The following ITGAV variants were observed in gnomAD, a reference collection of about 807,000 sequenced individuals.
The protein encoded by ITGAV is integrin alpha-V.
In ITGAV, 76 loss-of-function variants were observed where a neutral mutation model predicts 143.8. That is an observed-to-expected ratio of 0.53 (90% CI 0.44 to 0.64). The LOEUF (loss-of-function observed/expected upper bound fraction) is 0.64, where lower values mean the gene tolerates loss of function less well. Among genes scored for constraint, ITGAV ranks in the 30% least tolerant of loss-of-function variants. ITGAV has a pLI of 0.00. For synonymous variants in ITGAV, 453 were observed against 446.7 expected (o/e 1.01, Z -0.18); for missense variants, 1,193 against 1,274.7 (o/e 0.94, Z 0.98).
rs761804059 is a variant in ITGAV at position 186,668,900 on chromosome 2, A to T, written c.2572A>T (p.Ile858Phe). 6.2e-7 allele frequency: 1 copy of T among 1,609,826 alleles called. No homozygotes were observed. The highest frequency in any genetic ancestry group is 1.1e-5 in the South Asian group (1 of 89,668). Residue 858 changes from isoleucine (I) to phenylalanine (F), a missense_variant, in exon 25 of 30, where the codon ATC becomes TTC. Transcript: ENST00000261023. The stretch of plus-strand genomic sequence containing the variant: ...AATGAACTGCACTTCAGATATGGAG[A>T]TCAACCCTTTGAGAATTAAGGTAAT... ...GPMNCTSDME[I>F]NPLRIKISSL...
chr2:186,658,928 G>A, intron 17 of ITGAV, 110 bp from the exon 18 acceptor site: 1 of 627,932 alleles, frequency 1.6e-6, no homozygotes, highest in Admixed American at 3.2e-5. Context: ...AATGTTGTTA[G>A]AATTGAAGGC....
At chr2:186,621,840 A>G (rs1295228427) in intron 2 of ITGAV, among the ~76,000 whole-genome samples, 1 of 152,172 alleles carries the variant, frequency 6.6e-6, no homozygotes, top group Non-Finnish European at 1.5e-5. Flanking sequence ...AGTGTGCCGT[A>G]TTGAATTCTT....
At chr2:186,598,578 C>G (rs1686813671) in intron 1 of ITGAV, among the ~76,000 whole-genome samples, 1 of 151,782 alleles carries the variant, frequency 6.6e-6, no homozygotes, top group Non-Finnish European at 1.5e-5. Context: ...GCTGGGATTA[C>G]AGGCTCATGC....
chr2:186,600,527 C>A, intron 1 of ITGAV: 1 of 1,075,156 alleles, frequency 9.3e-7, no homozygotes, highest in South Asian at 1.8e-5. Flanking sequence ...ACTGCTCTGT[C>A]TAAAGAAGGT....
chr2:186,630,457 T>C (rs542695449), intron 4 of ITGAV, among the ~76,000 whole-genome samples: 4 of 152,084 alleles, frequency 2.6e-5, no homozygotes, highest in Non-Finnish European at 5.9e-5. Context: ...GTTGTATCTA[T>C]ATATTTTATA....
At chr2:186,629,838 C>G (rs1284461267) in intron 4 of ITGAV, among the ~76,000 whole-genome samples, 2 of 151,958 alleles carry the variant, frequency 1.3e-5, no homozygotes, top group Non-Finnish European at 2.9e-5. Flanking sequence ...TCTCTGTTAT[C>G]CTCAAAGTAA....
chr2:186,654,925 C>CT (rs1688542114), intron 16 of ITGAV, among the ~76,000 whole-genome samples: 1 of 152,078 alleles, frequency 6.6e-6, no homozygotes, highest in Non-Finnish European at 1.5e-5. Context: ...ACATTATGAG[C>CT]TAAATAGCCC....
At chr2:186,661,052 T>TA (rs1360198992) in intron 18 of ITGAV, among the ~76,000 whole-genome samples, 1 of 152,218 alleles carries the variant, frequency 6.6e-6, no homozygotes, top group Non-Finnish European at 1.5e-5. Flanking sequence ...GGCTTCAACT[T>TA]ATACATTTTG....
chr2:186,635,027 G>A (rs1385859145), intron 6 of ITGAV, among the ~76,000 whole-genome samples: 1 of 151,638 alleles, frequency 6.6e-6, no homozygotes, highest in Non-Finnish European at 1.5e-5. Context: ...GCATAAATAG[G>A]AATAATAATA....
intron 2 of ITGAV, among the ~76,000 whole-genome samples, chr2:186,618,748 C>T (rs1257394456): frequency 6.6e-6 from 1 of 152,006 alleles, no homozygotes; most frequent in East Asian, 1.9e-4. Flanking sequence ...TAGAAGGCAA[C>T]TCAAAAATCC....
At chr2:186,644,301 GGTTTTTTT>G (rs1688188406) in intron 12 of ITGAV, among the ~76,000 whole-genome samples, 2 of 151,244 alleles carry the variant, frequency 1.3e-5, no homozygotes, top group African/African-American at 4.9e-5. Context: ...GCTTATCTTT[GGTTTTTTT>G]GTTTGTTTGT....
intron 21 of ITGAV, 147 bp from the exon 22 acceptor site, chr2:186,666,557 A>C (rs1688902829): frequency 2.3e-6 from 1 of 435,740 alleles, no homozygotes; most frequent in Non-Finnish European, 4.1e-6. Context: ...GGTTTGATAG[A>C]AAATAAGATT....
chr2:186,631,649 T>G (rs61763659), intron 5 of ITGAV, among the ~76,000 whole-genome samples: 2,090 of 152,318 alleles, frequency 0.014, 44 homozygotes, highest in African/African-American at 0.048. Context: ...CTTAGAAATG[T>G]GAGCAAAGAG....
intron 25 of ITGAV, among the ~76,000 whole-genome samples, chr2:186,669,168 A>G (rs1222803339): frequency 6.6e-6 from 1 of 152,184 alleles, no homozygotes; most frequent in Non-Finnish European, 1.5e-5. Context: ...TGTGTCCTTC[A>G]GTGACTCAGT....
chr2:186,646,869 G>T lies in ITGAV; in HGVS notation c.1343G>T (p.Gly448Val). Residue 448 changes from glycine to valine, a missense_variant, in exon 13 of 30, where the codon GGA (glycine) becomes GTA (valine). Coordinates refer to ENST00000261023, the MANE Select transcript of ITGAV (RefSeq NM_002210.5). ...GGAGCCACAGATATAGACAAAAATG[G>T]ATATCCAGGTGCTTTCTTATCAACA... ...MKGATDIDKN[G>V]YPDLIVGAFG... The T allele has an allele frequency of 6.3e-7, 1 of 1,580,578 alleles. No individual in the cohort carries two copies. The highest frequency in any genetic ancestry group is 8.6e-7 in the Non-Finnish European group (1 of 1,157,664).
intron 18 of ITGAV, among the ~76,000 whole-genome samples, chr2:186,662,388 G>C (rs1471057458): frequency 6.6e-6 from 1 of 151,570 alleles, no homozygotes; most frequent in Non-Finnish European, 1.5e-5. Flanking sequence ...CGACAGTTAC[G>C]AATCTTTGTC....
chr2:186,614,630 T>C (rs562708321), intron 2 of ITGAV, among the ~76,000 whole-genome samples: 3 of 152,154 alleles, frequency 2.0e-5, no homozygotes, highest in African/African-American at 7.2e-5. Flanking sequence ...TTGAGTCTTT[T>C]TTCATATGCT....
intron 12 of ITGAV, among the ~76,000 whole-genome samples, chr2:186,643,480 T>C (rs1688164119): frequency 6.6e-6 from 1 of 152,216 alleles, no homozygotes; most frequent in Non-Finnish European, 1.5e-5. Context: ...GCAAATATAG[T>C]TACATTATAC....
chr2:186,650,359 C>G (rs1005069268), intron 14 of ITGAV, among the ~76,000 whole-genome samples: 5 of 152,026 alleles, frequency 3.3e-5, no homozygotes, highest in African/African-American at 1.2e-4. Context: ...TGCTACCACA[C>G]CGGCTAATTT....
Sources: gnomAD v4.1 joint callset for allele counts (sites outside exome capture counted in the v4.1 genomes callset) on GRCh38, gnomAD v4.1.1 for gene constraint, MANE v1.5 for transcripts, NCBI Gene and HGNC (gene_info 2026-07-23, HGNC 2026-07-21) for gene names.